The following EML5 variants were observed in gnomAD, a reference collection of about 807,000 sequenced individuals.
EML5 encodes the protein echinoderm microtubule-associated protein-like 5.
A neutral mutation model predicts 250.0 loss-of-function variants in EML5; 120 were observed. The ratio of observed to expected loss-of-function variants is 0.48; its 90% CI spans 0.41 to 0.56. EML5 has a LOEUF of 0.56. EML5 is among the 20% of genes least tolerant of loss of function. EML5 has a pLI of 0.00. For synonymous variants in EML5, 771 were observed against 806.5 expected (o/e 0.96, Z 0.75); for missense variants, 2,006 against 2,437.6 (o/e 0.82, Z 3.73).
At chr14:88,703,238 T>C (rs545916522) in intron 13 of EML5, among the ~76,000 whole-genome samples, 1 of 152,338 alleles carries the variant, frequency 6.6e-6, no homozygotes, top group African/African-American at 2.4e-5. Context: ...AATTGCTTTT[T>C]ATAAGTAAAA....
chr14:88,648,902 C>G (rs2140765947), intron 28 of EML5, among the ~76,000 whole-genome samples: 1 of 152,270 alleles, frequency 6.6e-6, no homozygotes, highest in African/African-American at 2.4e-5. Flanking sequence ...CTGCTTAAAA[C>G]AGATGATGGA....
chr14:88,736,549 A>C lies in EML5; in HGVS notation c.864T>G (p.Ser288Arg). 1 of 1,613,804 alleles carries C rather than the reference A, an allele frequency of 6.2e-7. No homozygotes were observed. Among genetic ancestry groups the C allele is most frequent in the Non-Finnish European group, 8.5e-7 (1 of 1,179,866 alleles). ...GAATGTGGTCACCTCGCCAACACAC[A>C]CTCCTTACAGACAAACCTAGTAAAA... The part of the protein sequence containing the change: ...DQGYKGLSVR[S>R]VCWRGDHILV... The change falls in exon 7 of 44, where the codon AGT becomes AGG. Residue 288 changes from serine (S) to arginine (R), a missense_variant. By Grantham distance (110) the Ser-to-Arg change is moderately radical (BLOSUM62 -1). Around this residue, in one of 7 missense-constraint regions of EML5, gnomAD observed 1,375 missense variants for 1,590.3 expected, o/e 0.86. Transcript: ENST00000554922.
intron 27 of EML5, among the ~76,000 whole-genome samples, chr14:88,651,154 CTTTTTTTT>C (rs869045980): frequency 3.2e-5 from 3 of 93,162 alleles, no homozygotes; most frequent in Non-Finnish European, 6.1e-5. Flanking sequence ...TTGTCATTTT[CTTTTTTTT>C]TTTTTTTTTT....
intron 16 of EML5, 101 bp downstream of exon 16, chr14:88,695,260 T>C (rs1177709402): frequency 1.2e-6 from 1 of 811,080 alleles, no homozygotes; most frequent in Non-Finnish European, 2.0e-6. Flanking sequence ...CAATAAAAAG[T>C]TACATATTTG....
At chr14:88,709,064 A>G (rs897585247) in intron 10 of EML5, among the ~76,000 whole-genome samples, 5 of 152,028 alleles carry the variant, frequency 3.3e-5, no homozygotes, top group African/African-American at 1.2e-4. Context: ...GGGTAATATG[A>G]TCTAAATATT....
At chr14:88,734,860 G>A (rs1311993370) in intron 7 of EML5, among the ~76,000 whole-genome samples, 1 of 152,072 alleles carries the variant, frequency 6.6e-6, no homozygotes, top group Non-Finnish European at 1.5e-5. Context: ...AAAAGGGAAG[G>A]AAGAAAGCTG....
chr14:88,775,674 G>A (rs571334183), intron 1 of EML5, among the ~76,000 whole-genome samples: 1 of 152,304 alleles, frequency 6.6e-6, no homozygotes, highest in East Asian at 1.9e-4. Context: ...ACCCACCCAA[G>A]CCTGGGGGAA....
chr14:88,664,378 T>C, intron 23 of EML5, 115 bp downstream of exon 23: 1 of 798,718 alleles, frequency 1.3e-6, no homozygotes. Context: ...AGAATAATGG[T>C]TGTTTTTCCC....
chr14:88,735,845 G>A (rs879085419), intron 7 of EML5, among the ~76,000 whole-genome samples: 1 of 152,068 alleles, frequency 6.6e-6, no homozygotes, highest in Admixed American at 6.5e-5. Flanking sequence ...TGTTAAAAAG[G>A]AGGAGGTAGT....
At chr14:88,791,396 A>G (rs2094606869) in intron 1 of EML5, among the ~76,000 whole-genome samples, 1 of 152,220 alleles carries the variant, frequency 6.6e-6, no homozygotes, top group African/African-American at 2.4e-5. Context: ...TTTCCTCTGT[A>G]AAGGACAAAA....
intron 40 of EML5, 42 bp from the exon 41 acceptor site, chr14:88,618,373 G>T: frequency 6.4e-7 from 1 of 1,557,522 alleles, no homozygotes; most frequent in South Asian, 1.1e-5. Flanking sequence ...TCCATTAGGT[G>T]AGAGACAAAA....
chr14:88,658,434 A>G, intron 25 of EML5, 46 bp from the exon 26 acceptor site: 1 of 1,403,368 alleles, frequency 7.1e-7, no homozygotes, highest in Non-Finnish European at 9.8e-7. Context: ...AAATTTCATT[A>G]TTTAAATATT....
chr14:88,713,013 T>C (rs1308893383), intron 9 of EML5, among the ~76,000 whole-genome samples: 1 of 152,142 alleles, frequency 6.6e-6, no homozygotes, highest in African/African-American at 2.4e-5. Context: ...TTTGGGGAGA[T>C]GCATTAATTG....
intron 6 of EML5, 78 bp from the exon 7 acceptor site, chr14:88,736,643 G>A (rs1410723284): frequency 3.5e-5 from 48 of 1,386,594 alleles, no homozygotes; most frequent in Non-Finnish European, 4.6e-5. Context: ...TCCCTATGCA[G>A]ATAGGGGCAA....
chr14:88,622,526 C>T, intron 37 of EML5, 78 bp downstream of exon 37: 4 of 1,145,588 alleles, frequency 3.5e-6, no homozygotes. Flanking sequence ...GTTCATTAGG[C>T]TGCAAAGGGT....
chr14:88,784,503 G>A (rs1482872080), intron 1 of EML5, among the ~76,000 whole-genome samples: 1 of 151,810 alleles, frequency 6.6e-6, no homozygotes, highest in Non-Finnish European at 1.5e-5. Flanking sequence ...TGGCTTCTAT[G>A]ACCAACTCTA....
chr14:88,653,529 C>A (rs2091733889), intron 27 of EML5, among the ~76,000 whole-genome samples: 1 of 152,030 alleles, frequency 6.6e-6, no homozygotes, highest in South Asian at 2.1e-4. Context: ...TTATCGAAGG[C>A]CTTTTCTGCA....
intron 21 of EML5, among the ~76,000 whole-genome samples, chr14:88,676,597 C>T (rs541683330): frequency 6.6e-6 from 1 of 152,284 alleles, no homozygotes. Flanking sequence ...CAATAAACTA[C>T]CATTGACATT....
rs549095655 is a variant in EML5 at position 88,705,031 on chromosome 14, T to G, written c.1933-53A>C. On this transcript the variant is annotated intron_variant, in intron 12 of 43. Transcript: ENST00000554922. ...TTCTTAGAATATATACTAATAAAGG[T>G]GTTCGTATACTCCCAATATAACTTT... 9.9e-6 allele frequency: 12 copies of G among 1,217,574 alleles called. No individual in the cohort carries two copies. The South Asian group carries it at 1.7e-4, about 17-fold the overall frequency. The allele number at this position is 1,217,574 out of a possible 1,614,324, so 75.4% of individuals were successfully genotyped here.
Sources: gnomAD v4.1 joint callset for allele counts (sites outside exome capture counted in the v4.1 genomes callset) on GRCh38, gnomAD v4.1.1 for gene constraint, gnomAD v4.1.1 regional missense constraint, MANE v1.5 for transcripts, NCBI Gene and HGNC (gene_info 2026-07-23, HGNC 2026-07-21) for gene names.